KLRC1: variants seen among roughly 807,000 people sequenced by gnomAD.
KLRC1 encodes NKG2-A/NKG2-B type II integral membrane protein.
A neutral mutation model predicts 25.9 loss-of-function variants in KLRC1; 22 were observed. That is an observed-to-expected ratio of 0.85 (90% confidence interval 0.61 to 1.21). The LOEUF (loss-of-function observed/expected upper bound fraction) is 1.21, where lower values mean the gene tolerates loss of function less well. KLRC1 is among the 50% of genes most tolerant of loss of function. KLRC1 has a pLI of 0.00. For missense variants in KLRC1, 240 were observed against 272.2 expected, an observed-to-expected ratio of 0.88 and a Z score of 0.83; for synonymous variants, 77 against 93.1, an observed-to-expected ratio of 0.83 and a Z score of 0.99.
chr12:10,449,532 T>A, intron 4 of KLRC1, 144 bp from the exon 5 acceptor site: 5 of 1,409,054 alleles, frequency 3.5e-6, no homozygotes, highest in Middle Eastern at 3.7e-4. Context: ...AGTGTCAAAA[T>A]ACCCAGTCAC....
chr12:10,449,816 A>G, intron 4 of KLRC1, 98 bp downstream of exon 4: 2 of 1,029,294 alleles, frequency 1.9e-6, no homozygotes, highest in Non-Finnish European at 2.7e-6. Flanking sequence ...CTTATTGCCA[A>G]ATTTTATAAT....
chr12:10,450,363 C>T, intron 3 of KLRC1, 121 bp downstream of exon 3: 2 of 599,268 alleles, frequency 3.3e-6, no homozygotes, highest in Non-Finnish European at 2.9e-6. Context: ...AATCATTCCA[C>T]ATTTAGTCCA....
upstream of KLRC1, chr12:10,454,669 A>C: frequency 1.0e-6 from 1 of 978,188 alleles, no homozygotes. Flanking sequence ...ATCTCCACTC[A>C]AACTCCTCTC....
chr12:10,450,430 A>G, intron 3 of KLRC1, 54 bp downstream of exon 3: 1 of 937,918 alleles, frequency 1.1e-6, no homozygotes, highest in Non-Finnish European at 1.7e-6. Context: ...GTTTAGAGGC[A>G]CATTCAATCA....
intron 6 of KLRC1, among the ~76,000 whole-genome samples, chr12:10,446,939 A>C (rs145462813): frequency 3.9e-5 from 6 of 152,338 alleles, no homozygotes; most frequent in African/African-American, 1.4e-4. Flanking sequence ...ACTGTGATAA[A>C]ATTTAATTTA....
chr12:10,449,263 G>A lies in KLRC1; in HGVS notation c.463C>T (p.Leu155Phe), dbSNP rs1455315366. The A allele has an allele frequency of 8.7e-6, 14 of 1,613,834 alleles. No homozygotes were observed. The highest frequency in any genetic ancestry group is 1.2e-5 in the Non-Finnish European group (14 of 1,179,884). ...ATTTCTTCTTCATTATCTATAGAAA[G>A]CAGACTGGAGTTCTTCGAAGTACAG... Reference protein sequence around the residue: ...LACTSKNSSLLSIDNEEEMKF... With the variant: ...LACTSKNSSLFSIDNEEEMKF... The change falls in exon 5 of 7, where the codon CTT becomes TTT. Residue 155 changes from leucine to phenylalanine, a missense_variant. Physicochemically the swap from Leu to Phe is conservative, Grantham distance 22. Coordinates refer to ENST00000359151, the MANE Select transcript of KLRC1 (RefSeq NM_002259.5).
rs1043928655 is a variant in KLRC1, at chr12:10,446,198, G to A, written c.*353C>T. ...CACGACACAAAGTAACGTTCTATCA[G>A]TTAGAGGTCATCTCCTATTTCAACC... is the stretch of plus-strand genomic sequence containing the variant. On this transcript the variant is annotated 3_prime_UTR_variant, in exon 7 of 7. Coordinates refer to ENST00000359151, the MANE Select transcript of KLRC1 (RefSeq NM_002259.5). 2.1e-5 allele frequency: 5 copies of A among 240,690 alleles called. No individual in the cohort carries two copies. The highest frequency in any genetic ancestry group is 1.6e-4 in the Admixed American group (3 of 18,944). 14.9% of individuals were successfully genotyped at this position (240,690 alleles called of 1,614,324 possible).
At chr12:10,452,318 GTA>G (rs768298466) in intron 1 of KLRC1, among the ~76,000 whole-genome samples, 4 of 152,144 alleles carry the variant, frequency 2.6e-5, no homozygotes, top group Non-Finnish European at 5.9e-5. Flanking sequence ...CACTTTAGTT[GTA>G]TAAGTACTTG....
At chr12:10,448,335 C>T (rs1170754686) in intron 5 of KLRC1, among the ~76,000 whole-genome samples, 2 of 152,208 alleles carry the variant, frequency 1.3e-5, no homozygotes, top group African/African-American at 4.8e-5. Context: ...TTTCCCTACA[C>T]CCAACCTGGC....
intron 1 of KLRC1, among the ~76,000 whole-genome samples, chr12:10,452,173 T>C (rs1864139287): frequency 6.6e-6 from 1 of 152,106 alleles, no homozygotes; most frequent in Non-Finnish European, 1.5e-5. Context: ...GGTAATTTAA[T>C]TAGTAATTGG....
chr12:10,447,692 T>C (rs1039099593), intron 5 of KLRC1, 60 bp from the exon 6 acceptor site: 8 of 1,382,454 alleles, frequency 5.8e-6, no homozygotes, highest in Non-Finnish European at 7.9e-6. Flanking sequence ...ACAAAAACAA[T>C]ATATTAAATT....
chr12:10,445,101 G>T (rs1486225496), downstream of KLRC1, among the ~76,000 whole-genome samples: 1 of 151,562 alleles, frequency 6.6e-6, no homozygotes, highest in Non-Finnish European at 1.5e-5. Context: ...TGTATTTTTA[G>T]TACAGATGGG....
At chr12:10,450,253 T>G in intron 3 of KLRC1, 1 of 468,098 alleles carries the variant, frequency 2.1e-6, no homozygotes, top group East Asian at 3.5e-5. Context: ...TCCTAGAACA[T>G]ATTTTTGAGT....
At chr12:10,448,289 C>T (rs1864036581) in intron 5 of KLRC1, among the ~76,000 whole-genome samples, 1 of 152,150 alleles carries the variant, frequency 6.6e-6, no homozygotes, top group Non-Finnish European at 1.5e-5. Context: ...ATGTTAAGTC[C>T]TCCACACGAC....
chr12:10,445,509 G>A (rs555532663), downstream of KLRC1, among the ~76,000 whole-genome samples: 97 of 152,056 alleles, frequency 6.4e-4, no homozygotes, highest in Non-Finnish European at 1.2e-3. Flanking sequence ...ATCAGAAAAC[G>A]ATACATATGA....
chr12:10,443,046 C>T (rs1418704172), downstream of KLRC1, among the ~76,000 whole-genome samples: 9 of 121,766 alleles, frequency 7.4e-5, 1 homozygote, highest in East Asian at 9.9e-4. Flanking sequence ...TTAATGGGTA[C>T]GAAAAAAAGA....
chr12:10,451,165 T>C lies in KLRC1; in HGVS notation c.-9A>G. The stretch of plus-strand genomic sequence containing the variant: ...ACTCCTTGGTTATCCATCTCTGCAG[T>C]GTGTGATGTCAGGGACTGTACTCTA... On this transcript the variant is annotated 5_prime_UTR_variant, in exon 2 of 7. Transcript: ENST00000359151. 6.2e-7 allele frequency: 1 copy of C among 1,608,112 alleles called. No homozygotes were observed. Among genetic ancestry groups the C allele is most frequent in the Non-Finnish European group, 8.5e-7 (1 of 1,177,296 alleles).
In KLRC1 at chr12:10,449,880, G is replaced by T. The variant is rs147281263; in HGVS notation, c.337+34C>A. ...GCCTAAGATCAAGAAAAAATAAACT[G>T]TACAATATTAAAACTTTAAAAATTA... is the stretch of plus-strand genomic sequence containing the variant. On this transcript the variant is annotated intron_variant, in intron 4 of 6. Transcript: ENST00000359151. The T allele has an allele frequency of 3.5e-3, 4,921 of 1,393,154 alleles. 27 individuals are homozygous for T. The highest frequency in any genetic ancestry group is 2.8e-3 in the Non-Finnish European group (2,908 of 1,049,380). 86.3% of individuals were successfully genotyped at this position (1,393,154 alleles called of 1,614,324 possible).
chr12:10,445,855 C>G (rs1863974038), downstream of KLRC1, among the ~76,000 whole-genome samples: 1 of 151,996 alleles, frequency 6.6e-6, no homozygotes, highest in African/African-American at 2.4e-5. Flanking sequence ...ACCTACATTT[C>G]TGTATGACTT....
Sources: gnomAD v4.1 joint callset for allele counts (sites outside exome capture counted in the v4.1 genomes callset) on GRCh38, gnomAD v4.1.1 for gene constraint, MANE v1.5 for transcripts, NCBI Gene and HGNC (gene_info 2026-07-23, HGNC 2026-07-21) for gene names.